NRG3: variants seen among roughly 807,000 people sequenced by gnomAD.
NRG3 encodes pro-neuregulin-3, membrane-bound isoform.
Under a neutral mutation model 66.9 loss-of-function variants are expected in NRG3, and 31 were observed. The ratio of observed to expected loss-of-function variants is 0.46; its 90% CI spans 0.35 to 0.63. The LOEUF (loss-of-function observed/expected upper bound fraction) is 0.63. Among genes scored for constraint, NRG3 ranks in the 20% least tolerant of loss-of-function variants. The pLI, the probability that NRG3 is intolerant of heterozygous loss-of-function variation, is 0.00. For synonymous variants in NRG3, 393 were observed against 359.4 expected (o/e 1.09, Z -1.06); for missense variants, 910 against 878.9 (o/e 1.04, Z -0.45).
chr10:81,923,494 C>T (rs914636423), intron 1 of NRG3, among the ~76,000 whole-genome samples: 2 of 152,190 alleles, frequency 1.3e-5, no homozygotes, highest in East Asian at 1.9e-4. Flanking sequence ...CGTGAGCCAC[C>T]GCGCCCGGCC....
At chr10:82,557,441 G>A (rs559050401) in intron 2 of NRG3, among the ~76,000 whole-genome samples, 1 of 151,526 alleles carries the variant, frequency 6.6e-6, no homozygotes, top group Admixed American at 6.6e-5. Context: ...GTCTTTTTTT[G>A]AGAAGTGTCT....
intron 7 of NRG3, among the ~76,000 whole-genome samples, chr10:82,978,528 G>A (rs1852520626): frequency 6.6e-6 from 1 of 152,160 alleles, no homozygotes; most frequent in East Asian, 1.9e-4. Context: ...TATCCCTTCT[G>A]GGCTTACTGT....
intron 2 of NRG3, among the ~76,000 whole-genome samples, chr10:82,654,254 C>T (rs952230992): frequency 6.6e-6 from 1 of 152,128 alleles, no homozygotes; most frequent in South Asian, 2.1e-4. Flanking sequence ...TTTTATCTCT[C>T]ATTGCAGGCT....
At chr10:82,178,670 A>G (rs916951160) in intron 1 of NRG3, among the ~76,000 whole-genome samples, 1 of 152,168 alleles carries the variant, frequency 6.6e-6, no homozygotes, top group Non-Finnish European at 1.5e-5. Context: ...GTAATGCTGC[A>G]ATGAATATGG....
chr10:82,587,828 G>C (rs566375393), intron 2 of NRG3, among the ~76,000 whole-genome samples: 1 of 152,340 alleles, frequency 6.6e-6, no homozygotes, highest in South Asian at 2.1e-4. Flanking sequence ...AAAACAGTAT[G>C]TAGGCACAGA....
chr10:82,718,609 T>C (rs1437018972), intron 2 of NRG3, among the ~76,000 whole-genome samples: 1 of 152,274 alleles, frequency 6.6e-6, no homozygotes, highest in East Asian at 1.9e-4. Context: ...ATCTCCATTT[T>C]CCATATTTAA....
chr10:82,047,222 T>C (rs1273493544), intron 1 of NRG3, among the ~76,000 whole-genome samples: 1 of 151,900 alleles, frequency 6.6e-6, no homozygotes, highest in Admixed American at 6.6e-5. Context: ...GTTGGTAAGC[T>C]ATTGATTATT....
chr10:82,912,853 T>A (rs1207969989), intron 4 of NRG3, among the ~76,000 whole-genome samples: 2 of 152,212 alleles, frequency 1.3e-5, no homozygotes, highest in Non-Finnish European at 2.9e-5. Context: ...AGTGATTCCC[T>A]ACAGTGTGCT....
intron 4 of NRG3, among the ~76,000 whole-genome samples, chr10:82,948,689 T>G (rs1564656321): frequency 6.6e-6 from 1 of 152,254 alleles, no homozygotes; most frequent in East Asian, 1.9e-4. Context: ...TAAATGACAT[T>G]TTTGTTTCAA....
intron 1 of NRG3, among the ~76,000 whole-genome samples, chr10:81,977,778 A>G (rs2060181117): frequency 6.6e-6 from 1 of 152,204 alleles, no homozygotes; most frequent in African/African-American, 2.4e-5. Context: ...TTCCATTTAT[A>G]CAATGGAGAA....
Position 82,985,297 on chromosome 10 carries a change from G to A in NRG3, c.1783G>A (p.Val595Ile). The A allele has an allele frequency of 6.2e-7, 1 of 1,614,148 alleles. No individual in the cohort carries two copies. ...CCTGCAAATGCCAGGGATTTCTGAA[G>A]TCAAAAGCATCAAATGGTGCAAAAA... ...TCLQMPGISE[V>I]KSIKWCKNSY... The change falls in exon 9 of 9, where the codon GTC becomes ATC. Residue 595 changes from valine to isoleucine, a missense_variant. Physicochemically the swap from Val to Ile is conservative, Grantham distance 29 (BLOSUM62 3). Coordinates refer to ENST00000372141, the MANE Select transcript of NRG3 (RefSeq NM_001010848.4).
intron 3 of NRG3, among the ~76,000 whole-genome samples, chr10:82,752,515 C>T (rs904738008): frequency 6.6e-6 from 1 of 152,116 alleles, no homozygotes; most frequent in Non-Finnish European, 1.5e-5. Flanking sequence ...AAATGATCTT[C>T]AAGATCATTT....
chr10:82,377,276 A>G (rs2085301104), intron 2 of NRG3, among the ~76,000 whole-genome samples: 1 of 152,204 alleles, frequency 6.6e-6, no homozygotes, highest in Non-Finnish European at 1.5e-5. Flanking sequence ...CATTCTCTGT[A>G]TAGGCAGGGA....
chr10:82,802,618 A>AT (rs1288920656), intron 3 of NRG3, among the ~76,000 whole-genome samples: 2 of 152,080 alleles, frequency 1.3e-5, no homozygotes, highest in African/African-American at 4.8e-5. Context: ...AGGACAACCC[A>AT]TGGAGTAGTA....
intron 3 of NRG3, among the ~76,000 whole-genome samples, chr10:82,763,227 A>T (rs1040512941): frequency 6.6e-6 from 1 of 152,218 alleles, no homozygotes; most frequent in African/African-American, 2.4e-5. Flanking sequence ...AGGTTTTGTA[A>T]TAATCACTCA....
At chr10:82,095,592 A>G (rs1231122071) in intron 1 of NRG3, among the ~76,000 whole-genome samples, 1 of 152,200 alleles carries the variant, frequency 6.6e-6, no homozygotes, top group Non-Finnish European at 1.5e-5. Flanking sequence ...ATATTCCCAA[A>G]TCTGAAGTGA....
At chr10:81,942,609 A>G (rs1848494475) in intron 1 of NRG3, among the ~76,000 whole-genome samples, 1 of 152,170 alleles carries the variant, frequency 6.6e-6, no homozygotes, top group African/African-American at 2.4e-5. Flanking sequence ...GTGAAGATAA[A>G]GATTTCTCAA....
intron 1 of NRG3, among the ~76,000 whole-genome samples, chr10:82,289,518 A>G (rs912296658): frequency 4.6e-5 from 7 of 152,354 alleles, no homozygotes; most frequent in African/African-American, 1.4e-4. Context: ...GTTTATCCTT[A>G]TAATAACTTG....
At chr10:82,540,147 A>AT (rs1382436270) in intron 2 of NRG3, among the ~76,000 whole-genome samples, 2 of 150,260 alleles carry the variant, frequency 1.3e-5, no homozygotes. Flanking sequence ...TCAGCTTGCT[A>AT]TTTTCCATAG....
Sources: allele counts gnomAD v4.1 joint callset (sites outside exome capture counted in the v4.1 genomes callset), GRCh38; gene constraint gnomAD v4.1.1; transcripts MANE v1.5; gene names NCBI Gene and HGNC (gene_info 2026-07-23, HGNC 2026-07-21).